The following LRRK2 variants were observed in gnomAD, a reference collection of about 807,000 sequenced individuals.
LRRK2 encodes leucine-rich repeat serine/threonine-protein kinase 2.
In LRRK2, 203 loss-of-function variants were observed where a neutral mutation model predicts 302.6. The observed-to-expected ratio is 0.67, with a 90% CI of 0.60 to 0.75. The LOEUF is 0.75. LRRK2 is among the 30% of genes least tolerant of loss of function. LRRK2 has a pLI of 0.00. For missense variants in LRRK2, 2,830 were observed against 2,951.0 expected (o/e 0.96, Z 0.95); for synonymous variants, 1,066 against 1,031.9 (o/e 1.03, Z -0.63).
intron 19 of LRRK2, among the ~76,000 whole-genome samples, chr12:40,285,188 A>G (rs1302241040): frequency 6.6e-6 from 1 of 151,982 alleles, no homozygotes; most frequent in Non-Finnish European, 1.5e-5. Flanking sequence ...CAGTGCTATC[A>G]CCAGTCTGGA....
chr12:40,313,937 T>C, intron 31 of LRRK2, 35 bp from the exon 32 acceptor site: 1 of 1,589,834 alleles, frequency 6.3e-7, no homozygotes, highest in East Asian at 2.2e-5. Context: ...ACAAATAAAA[T>C]AGATTTTTAC....
At chr12:40,228,182 C>G (rs1353444578) in intron 2 of LRRK2, among the ~76,000 whole-genome samples, 2 of 152,112 alleles carry the variant, frequency 1.3e-5, no homozygotes, top group Non-Finnish European at 2.9e-5. Context: ...CATGGCTGTG[C>G]TACTTTATAT....
At chr12:40,237,871 A>G in intron 4 of LRRK2, 98 bp from the exon 5 acceptor site, 1 of 1,321,008 alleles carries the variant, frequency 7.6e-7, no homozygotes, top group Non-Finnish European at 1.1e-6. Context: ...TCTACAAACC[A>G]TTCACAGTCT....
chr12:40,279,841 G>T (rs1268705639), intron 18 of LRRK2, among the ~76,000 whole-genome samples: 2 of 152,186 alleles, frequency 1.3e-5, no homozygotes, highest in African/African-American at 4.8e-5. Flanking sequence ...AGTTGTCAGA[G>T]GTTATTTATA....
intron 5 of LRRK2, among the ~76,000 whole-genome samples, chr12:40,238,618 T>A (rs1941579626): frequency 6.6e-6 from 1 of 152,164 alleles, no homozygotes; most frequent in South Asian, 2.1e-4. Context: ...CCATTGACCT[T>A]AGGAGGAAGT....
chr12:40,317,899 G>T (rs1945273751), intron 33 of LRRK2, among the ~76,000 whole-genome samples: 1 of 152,046 alleles, frequency 6.6e-6, no homozygotes, highest in Non-Finnish European at 1.5e-5. Context: ...GCTTGACTGG[G>T]CTCAGCTGCG....
In LRRK2 at chr12:40,314,156, A is replaced by T. The variant is rs771967514; in HGVS notation, c.4721A>T (p.His1574Leu). Residue 1574 changes from histidine to leucine, a missense_variant, in exon 32 of 51, where the codon CAC becomes CTC. His to Leu is a moderately conservative substitution (Grantham distance 99). This residue lies in a region of LRRK2 where 2,121 missense variants were observed against 2,148.0 expected (regional missense o/e 0.99). Transcript: ENST00000298910. Reference sequence around the variant, plus strand: ...GAAAATGAGCTTCCTCACGCAGTTCACTTTCTAAATGAATCAGGTTTGTGT... The same window carrying T: ...GAAAATGAGCTTCCTCACGCAGTTCTCTTTCTAAATGAATCAGGTTTGTGT... ...LDENELPHAV[H>L]FLNESGVLLH... The T allele has an allele frequency of 6.2e-7, 1 of 1,612,414 alleles. No homozygotes were observed. Among genetic ancestry groups the T allele is most frequent in the Non-Finnish European group, 8.5e-7 (1 of 1,178,808 alleles).
At chr12:40,306,244 G>A (rs1393965210) in intron 28 of LRRK2, among the ~76,000 whole-genome samples, 1 of 152,090 alleles carries the variant, frequency 6.6e-6, no homozygotes, top group East Asian at 1.9e-4. Flanking sequence ...AATAAGTATT[G>A]CTATTTGGTC....
intron 4 of LRRK2, among the ~76,000 whole-genome samples, chr12:40,236,843 C>T (rs984358098): frequency 6.6e-6 from 1 of 152,112 alleles, no homozygotes; most frequent in African/African-American, 2.4e-5. Context: ...AATTTAACCT[C>T]ACCCTTGGGA....
At chr12:40,313,859 C>A in intron 31 of LRRK2, 113 bp from the exon 32 acceptor site, 1 of 767,918 alleles carries the variant, frequency 1.3e-6, no homozygotes, top group Non-Finnish European at 2.1e-6. Flanking sequence ...TAAAAATGTA[C>A]TTCTGAATAA....
rs1309365117 is a variant in LRRK2, at chr12:40,340,359, T to C, written c.6014T>C (p.Leu2005Pro). The C allele has an allele frequency of 2.5e-6, 4 of 1,613,816 alleles. No homozygotes were observed. Among genetic ancestry groups the C allele is most frequent in the East Asian group, 2.2e-5 (1 of 44,884 alleles). ...LKPHNVLLFT[L>P]YPNAAIIAKI... ...CCCCACAATGTGCTGCTTTTCACAC[T>C]GTATCCCAATGCTGCCATCATTGCA... is the stretch of plus-strand genomic sequence containing the variant. The change falls in exon 41 of 51, where the codon CTG (leucine) becomes CCG (proline). Residue 2005 changes from leucine to proline, a missense_variant. By Grantham distance (98) the Leu-to-Pro change is moderately conservative. Transcript: ENST00000298910.
rs35173587 is a variant in LRRK2, at chr12:40,284,011, G to A, written c.2378G>A (p.Arg793Lys). 13 of 1,614,010 alleles carry A rather than the reference G, an allele frequency of 8.1e-6. No individual in the cohort carries two copies. Among genetic ancestry groups the A allele is most frequent in the Non-Finnish European group, 1.1e-5 (13 of 1,179,910 alleles). ...CAGATCATCAGCTTGCTCTTAAGGA[G>A]GCTGGCCCTGGATGTGGCCAACAAT... is the stretch of plus-strand genomic sequence containing the variant. ...DSQIISLLLR[R>K]LALDVANNSI... The change falls in exon 19 of 51, where the codon AGG (arginine) becomes AAG (lysine). Residue 793 changes from arginine to lysine, a missense_variant. Around this residue, in one of 3 missense-constraint regions of LRRK2, gnomAD observed 2,121 missense variants for 2,148.0 expected, o/e 0.99. Coordinates refer to ENST00000298910, the MANE Select transcript of LRRK2 (RefSeq NM_198578.4).
chr12:40,346,354 T>C (rs1946190894), intron 41 of LRRK2, among the ~76,000 whole-genome samples: 1 of 152,198 alleles, frequency 6.6e-6, no homozygotes, highest in South Asian at 2.1e-4. Flanking sequence ...CTCCTGTTTT[T>C]AAAACACTGT....
intron 38 of LRRK2, among the ~76,000 whole-genome samples, chr12:40,325,955 T>C (rs926307396): frequency 1.3e-5 from 2 of 152,218 alleles, no homozygotes; most frequent in African/African-American, 2.4e-5. Flanking sequence ...GCTATTTATT[T>C]TTCTGGAGAG....
intron 33 of LRRK2, among the ~76,000 whole-genome samples, chr12:40,319,146 A>G (rs984169164): frequency 6.6e-6 from 1 of 152,144 alleles, no homozygotes; most frequent in Admixed American, 6.6e-5. Flanking sequence ...TTGACAAAGC[A>G]AAATAAATTG....
At chr12:40,301,504 A>G (rs1260690392) in intron 25 of LRRK2, among the ~76,000 whole-genome samples, 1 of 152,158 alleles carries the variant, frequency 6.6e-6, no homozygotes, top group African/African-American at 2.4e-5. Flanking sequence ...CATACAGCAT[A>G]TGAAACTCAA....
chr12:40,300,115 G>A (rs1313176767), intron 25 of LRRK2, among the ~76,000 whole-genome samples: 2 of 152,052 alleles, frequency 1.3e-5, no homozygotes, highest in African/African-American at 4.8e-5. Flanking sequence ...CTTTTTGTAT[G>A]ATAAATATGA....
rs1265078699 is a variant in LRRK2 at position 40,354,424 on chromosome 12, G to C, written c.6702G>C (p.Lys2234Asn). ...TCATCAATACCGAAGATGGGAAAAA[G>C]AGACATACCCTAGAAAAGATGACTG... ...LLVINTEDGK[K>N]RHTLEKMTDS... Residue 2234 changes from lysine (K) to asparagine (N), a missense_variant, in exon 45 of 51, where the codon AAG becomes AAC. Lys to Asn is a moderately conservative substitution (Grantham distance 94). Coordinates refer to ENST00000298910, the MANE Select transcript of LRRK2 (RefSeq NM_198578.4). 1.9e-6 allele frequency: 3 copies of C among 1,614,120 alleles called. No individual in the cohort carries two copies. In the African/African-American group the frequency reaches 4.0e-5, roughly 22 times the overall value.
intron 33 of LRRK2, among the ~76,000 whole-genome samples, chr12:40,318,915 A>G (rs1945312805): frequency 1.3e-5 from 2 of 152,112 alleles, no homozygotes; most frequent in Non-Finnish European, 2.9e-5. Flanking sequence ...AAATACCAAT[A>G]TGTTCAATCA....
Sources: gnomAD v4.1 joint callset for allele counts (sites outside exome capture counted in the v4.1 genomes callset) on GRCh38, gnomAD v4.1.1 for gene constraint, gnomAD v4.1.1 regional missense constraint, MANE v1.5 for transcripts, NCBI Gene and HGNC (gene_info 2026-07-23, HGNC 2026-07-21) for gene names.